The following SLC13A3 variants were observed in gnomAD, a reference collection of about 807,000 sequenced individuals.
SLC13A3 encodes Na(+)/dicarboxylate cotransporter 3.
Under a neutral mutation model 59.0 loss-of-function variants are expected in SLC13A3, and 40 were observed. The observed-to-expected ratio is 0.68, with a 90% CI of 0.53 to 0.88. SLC13A3 has a LOEUF of 0.88. Among genes scored for constraint, SLC13A3 ranks in the 40% least tolerant of loss-of-function variants. The pLI is 0.00. For synonymous variants in SLC13A3, 317 were observed against 330.3 expected, an observed-to-expected ratio of 0.96 and a Z score of 0.44; for missense variants, 699 against 783.2, an observed-to-expected ratio of 0.89 and a Z score of 1.28.
intron 1 of SLC13A3, among the ~76,000 whole-genome samples, chr20:46,627,298 C>T (rs1384113561): frequency 1.3e-5 from 2 of 152,196 alleles, no homozygotes; most frequent in African/African-American, 4.8e-5. Flanking sequence ...CTGATTTGCA[C>T]TTCCAATAGT....
At chr20:46,592,223 GCATACATACATA>G (rs11469301) in intron 6 of SLC13A3, among the ~76,000 whole-genome samples, 169 bp downstream of exon 6, 1 of 150,990 alleles carries the variant, frequency 6.6e-6, no homozygotes, top group Non-Finnish European at 1.5e-5. Context: ...AAAACTAAAT[GCATACATACATA>G]CATACATACA....
intron 1 of SLC13A3, among the ~76,000 whole-genome samples, chr20:46,659,392 A>G (rs1253812090): frequency 6.6e-6 from 1 of 152,130 alleles, no homozygotes; most frequent in African/African-American, 2.4e-5. Context: ...TTGCACAATG[A>G]TATATTATTT....
chr20:46,633,020 C>T (rs1009261134), intron 1 of SLC13A3, among the ~76,000 whole-genome samples: 5 of 151,690 alleles, frequency 3.3e-5, no homozygotes, highest in South Asian at 2.1e-4. Flanking sequence ...TGGAGATTTA[C>T]ATATTTAATG....
chr20:46,636,815 T>C (rs6094406), intron 1 of SLC13A3, among the ~76,000 whole-genome samples: 1 of 9,754 alleles, frequency 1.0e-4, no homozygotes, highest in African/African-American at 5.9e-3. Flanking sequence ...TCTTTTTTTC[T>C]TTTTTTTTTG....
intron 2 of SLC13A3, among the ~76,000 whole-genome samples, chr20:46,610,847 C>A (rs890222347): frequency 4.6e-5 from 7 of 152,094 alleles, no homozygotes; most frequent in African/African-American, 1.7e-4. Context: ...CCAAGCCTGA[C>A]GTTTTCTCTT....
intron 3 of SLC13A3, among the ~76,000 whole-genome samples, chr20:46,606,939 C>T (rs1416680225): frequency 1.3e-5 from 2 of 152,232 alleles, no homozygotes; most frequent in East Asian, 3.9e-4. Context: ...AGCAAAGGAA[C>T]TGGAGAAAGG....
intron 3 of SLC13A3, chr20:46,608,821 A>G: frequency 6.7e-7 from 1 of 1,498,396 alleles, no homozygotes; most frequent in Non-Finnish European, 8.9e-7. Context: ...GAGGTAAATG[A>G]TCCAAAGCCA....
chr20:46,649,317 G>A (rs929579727), intron 1 of SLC13A3, among the ~76,000 whole-genome samples: 18 of 152,160 alleles, frequency 1.2e-4, no homozygotes, highest in African/African-American at 4.3e-4. Context: ...TGAAGCTCAA[G>A]CTTCAGACCT....
chr20:46,588,946 G>A (rs778108395), intron 7 of SLC13A3, among the ~76,000 whole-genome samples: 2 of 152,164 alleles, frequency 1.3e-5, no homozygotes, highest in Non-Finnish European at 2.9e-5. Flanking sequence ...AGTACACTCT[G>A]AGGGGCTTTT....
At position 46,559,839 on chromosome 20, in the gene SLC13A3, AAGAGAG is replaced by A. The variant is rs1227206177; in HGVS notation, c.*177_*182del. 1.7e-6 allele frequency: 1 copy of A among 590,956 alleles called. No individual in the cohort carries two copies. Among genetic ancestry groups the A allele is most frequent in the African/African-American group, 1.9e-5 (1 of 53,784 alleles). The allele number at this position is 590,956 out of a possible 1,614,324, so 36.6% of individuals were successfully genotyped here. A position where few individuals can be genotyped will look rare whatever the true frequency, so the allele number is the denominator to read the frequency against. On this transcript the variant is annotated 3_prime_UTR_variant, in exon 13 of 13. Transcript: ENST00000279027. The stretch of plus-strand genomic sequence containing the variant: ...GATACCTGGGCTTTGAACTGCATGA[AAGAGAG>A]AGAAAGTATCCTAGATAATGGCTCA...
At chr20:46,667,840 C>T (rs2063069819) in intron 1 of SLC13A3, among the ~76,000 whole-genome samples, 1 of 152,224 alleles carries the variant, frequency 6.6e-6, no homozygotes, top group Non-Finnish European at 1.5e-5. Context: ...CATGTGCTCA[C>T]TTCATGTTTC....
chr20:46,568,041 C>T (rs984639361), intron 10 of SLC13A3, among the ~76,000 whole-genome samples: 1 of 152,068 alleles, frequency 6.6e-6, no homozygotes, highest in African/African-American at 2.4e-5. Context: ...TATATTTTTA[C>T]TTTTAATAGA....
At chr20:46,680,971 T>C (rs528815756) in intron 1 of SLC13A3, among the ~76,000 whole-genome samples, 6 of 152,334 alleles carry the variant, frequency 3.9e-5, no homozygotes, top group Admixed American at 2.0e-4. Context: ...TCCTAGGCCA[T>C]GCACCTGGTA....
chr20:46,655,240 CAT>C (rs1449746890), upstream of SLC13A3, among the ~76,000 whole-genome samples: 1 of 151,018 alleles, frequency 6.6e-6, no homozygotes, highest in Non-Finnish European at 1.5e-5. Flanking sequence ...CATATATACA[CAT>C]ATATATACAC....
rs545795701 is a variant in SLC13A3 at position 46,624,902 on chromosome 20, G to A, written c.112-11177C>T. ...ACCCCTAAGGGAGTTCCCATATATA[G>A]GAAACCAGGAACTAGAGGGGGAGCA... On this transcript the variant is annotated intron_variant, in intron 1 of 12. Transcript: ENST00000279027. 7.2e-5 allele frequency among the ~76,000 whole-genome samples: 11 copies of A among 152,204 alleles called. No individual in the cohort carries two copies. The South Asian group carries it at 2.3e-3, about 32-fold the overall frequency.
At chr20:46,609,919 C>T (rs1051592194) in intron 3 of SLC13A3, among the ~76,000 whole-genome samples, 3 of 152,194 alleles carry the variant, frequency 2.0e-5, no homozygotes, top group Non-Finnish European at 4.4e-5. Context: ...AGAGTATAAA[C>T]ACATTTAATG....
chr20:46,566,455 T>A, intron 10 of SLC13A3, 65 bp from the exon 11 acceptor site: 1 of 1,543,098 alleles, frequency 6.5e-7, no homozygotes, highest in South Asian at 1.2e-5. Flanking sequence ...CCAGAGAGGG[T>A]TAGGATAGAT....
intron 7 of SLC13A3, among the ~76,000 whole-genome samples, chr20:46,588,602 G>A (rs759231893): frequency 1.2e-4 from 18 of 152,128 alleles, no homozygotes; most frequent in African/African-American, 2.2e-4. Flanking sequence ...TGTCTACACC[G>A]AAAGGAGAAG....
intron 1 of SLC13A3, among the ~76,000 whole-genome samples, chr20:46,637,218 G>C (rs1243153730): frequency 6.6e-6 from 1 of 152,172 alleles, no homozygotes; most frequent in Non-Finnish European, 1.5e-5. Flanking sequence ...AGGGGAAGCT[G>C]GTCCTGGGGG....
Sources: gnomAD v4.1 joint callset for allele counts (sites outside exome capture counted in the v4.1 genomes callset) on GRCh38, gnomAD v4.1.1 for gene constraint, MANE v1.5 for transcripts, NCBI Gene and HGNC (gene_info 2026-07-23, HGNC 2026-07-21) for gene names.